Variants in FOCAD observed in about 807,000 individuals in gnomAD.
FOCAD encodes the protein KIAA1797.
Under a neutral mutation model 225.6 loss-of-function variants are expected in FOCAD, and 198 were observed. The observed-to-expected ratio is 0.88, with a 90% confidence interval of 0.78 to 0.99. The LOEUF (loss-of-function observed/expected upper bound fraction) is 0.99, where lower values mean the gene tolerates loss of function less well. Ranked by LOEUF, FOCAD falls within the 50% of genes least tolerant of loss-of-function variation. The probability of loss-of-function intolerance (pLI) is 0.00; values close to 1 mark genes in which losing one functional copy is unlikely to be tolerated. For missense variants in FOCAD, 2,713 were observed against 2,123.6 expected, an observed-to-expected ratio of 1.28 and a Z score of -5.46; for synonymous variants, 897 against 755.0, an observed-to-expected ratio of 1.19 and a Z score of -3.08.
intron 15 of FOCAD, among the ~76,000 whole-genome samples, chr9:20,856,843 A>G (rs1300183299): frequency 6.6e-6 from 1 of 151,956 alleles, no homozygotes; most frequent in African/African-American, 2.4e-5. Context: ...TTTATTGAAG[A>G]CTGTCCTTTC....
chr9:20,841,119 G>T (rs989348367), intron 15 of FOCAD, among the ~76,000 whole-genome samples: 4 of 151,880 alleles, frequency 2.6e-5, no homozygotes, highest in African/African-American at 7.2e-5. Context: ...AATTTGGTTT[G>T]CTATTATTTT....
chr9:20,804,356 C>T (rs1342896224), intron 11 of FOCAD, among the ~76,000 whole-genome samples: 2 of 151,910 alleles, frequency 1.3e-5, no homozygotes, highest in Admixed American at 1.3e-4. Context: ...TTTTTGGTGC[C>T]TGTTTTAAAG....
chr9:20,706,752 G>A (rs1824420923), intron 1 of FOCAD, among the ~76,000 whole-genome samples: 1 of 152,170 alleles, frequency 6.6e-6, no homozygotes, highest in Non-Finnish European at 1.5e-5. Flanking sequence ...TTGCAACAAG[G>A]AGACCCCAAA....
intron 4 of FOCAD, among the ~76,000 whole-genome samples, chr9:20,729,449 T>G (rs1826486969): frequency 6.6e-6 from 1 of 152,186 alleles, no homozygotes; most frequent in African/African-American, 2.4e-5. Context: ...CCTAGGATGA[T>G]CTCATCCCAA....
intron 1 of FOCAD, among the ~76,000 whole-genome samples, chr9:20,689,669 G>A (rs534585843): frequency 2.0e-5 from 3 of 152,224 alleles, no homozygotes; most frequent in South Asian, 2.1e-4. Flanking sequence ...GTGAGAGAGC[G>A]AGTAAAGATT....
chr9:20,696,643 GA>G (rs1240313377), intron 1 of FOCAD, among the ~76,000 whole-genome samples: 1 of 151,954 alleles, frequency 6.6e-6, no homozygotes, highest in African/African-American at 2.4e-5. Flanking sequence ...CTCTCTACTA[GA>G]AAATACAAAA....
In FOCAD at chr9:20,850,460, T is replaced by C. The variant is rs907609048; in HGVS notation, c.1921-12118T>C. On this transcript the variant is annotated intron_variant, in intron 15 of 43. Transcript: ENST00000338382. ...GAAATGGATGATGGTAGATATAAAT[T>C]GCTATGGCATTTTATCTAATTGTAT... is the stretch of plus-strand genomic sequence containing the variant. Among the ~76,000 whole-genome samples, 3 of 151,872 alleles carry C rather than the reference T, an allele frequency of 2.0e-5. No individual in the cohort carries two copies. The East Asian group carries it at 5.8e-4, about 29-fold the overall frequency.
intron 5 of FOCAD, among the ~76,000 whole-genome samples, chr9:20,756,448 G>T (rs1829060869): frequency 6.6e-6 from 1 of 152,150 alleles, no homozygotes; most frequent in Admixed American, 6.5e-5. Flanking sequence ...CAACACCCGT[G>T]CAGTAGTTTT....
At chr9:20,749,415 AATT>A (rs1327097200) in intron 5 of FOCAD, among the ~76,000 whole-genome samples, 6 of 152,060 alleles carry the variant, frequency 3.9e-5, no homozygotes, top group African/African-American at 1.4e-4. Context: ...AGAAATTCAC[AATT>A]ATTGTTTAGT....
chr9:20,982,203 A>C (rs1840758946), intron 38 of FOCAD, among the ~76,000 whole-genome samples, 154 bp from the exon 39 acceptor site: 1 of 152,248 alleles, frequency 6.6e-6, no homozygotes, highest in South Asian at 2.1e-4. Context: ...ATGTCTTCAA[A>C]ATGATAAAAA....
intron 18 of FOCAD, among the ~76,000 whole-genome samples, chr9:20,870,156 C>T (rs1829635851): frequency 6.6e-6 from 1 of 152,104 alleles, no homozygotes; most frequent in African/African-American, 2.4e-5. Flanking sequence ...AAAAATTAAA[C>T]TTGTTTTCTT....
At chr9:20,956,492 C>G (rs1232624193) in intron 35 of FOCAD, among the ~76,000 whole-genome samples, 2 of 152,032 alleles carry the variant, frequency 1.3e-5, no homozygotes, top group African/African-American at 2.4e-5. Context: ...ATAATGTCCT[C>G]CTATATGTAT....
intron 21 of FOCAD, among the ~76,000 whole-genome samples, chr9:20,906,706 TG>T (rs1386973705): frequency 6.6e-6 from 1 of 152,074 alleles, no homozygotes. Flanking sequence ...ATATTTCTGT[TG>T]GCAATATAAA....
chr9:20,894,590 G>T (rs981163845), intron 21 of FOCAD, among the ~76,000 whole-genome samples: 5 of 151,996 alleles, frequency 3.3e-5, no homozygotes, highest in African/African-American at 7.2e-5. Flanking sequence ...ATTTTAATTC[G>T]CATATCCCTG....
chr9:20,986,268 T>TTTTTTTTATTTTTA lies in FOCAD; in HGVS notation c.4729-13_4729-12insATTTTTATTTTTTT, dbSNP rs1841151297. 1.0e-6 allele frequency: 1 copy of TTTTTTTTATTTTTA among 993,768 alleles called. No individual in the cohort carries two copies. Among genetic ancestry groups the TTTTTTTTATTTTTA allele is most frequent in the African/African-American group, 1.8e-5 (1 of 54,816 alleles). The allele number at this position is 993,768 out of a possible 1,614,324, so 61.6% of individuals were successfully genotyped here. ...GTTAATTTAATAGTAACTAAACAATTTTTTTTTTTTTTTTTGCAGAGCAAC... is the reference window on the plus strand; with the variant it reads ...GTTAATTTAATAGTAACTAAACAATTTTTTTTTATTTTTATTTTTTTTTTTTTTTGCAGAGCAAC... On this transcript the variant is annotated intron_variant, in intron 39 of 43. Transcript: ENST00000338382.
At chr9:20,807,073 T>A (rs529010428) in intron 11 of FOCAD, among the ~76,000 whole-genome samples, 13 of 152,364 alleles carry the variant, frequency 8.5e-5, no homozygotes, top group African/African-American at 2.6e-4. Flanking sequence ...ATTAAATTCA[T>A]CATGTGGATT....
chr9:20,724,956 G>C (rs1461970925), intron 4 of FOCAD, among the ~76,000 whole-genome samples: 1 of 152,118 alleles, frequency 6.6e-6, no homozygotes, highest in Non-Finnish European at 1.5e-5. Flanking sequence ...ATCGCTTGAG[G>C]TCAGGAGTTG....
upstream of FOCAD, among the ~76,000 whole-genome samples, chr9:20,680,299 C>G (rs996753641): frequency 7.2e-5 from 11 of 152,202 alleles, no homozygotes; most frequent in African/African-American, 2.7e-4. Context: ...ATGGCTCATG[C>G]CTGTAATCCC....
intron 24 of FOCAD, among the ~76,000 whole-genome samples, chr9:20,920,435 C>T (rs1355399646): frequency 8.1e-6 from 1 of 123,046 alleles, no homozygotes; most frequent in African/African-American, 3.2e-5. Context: ...ACTAGAAATA[C>T]CATTTGACCC....
Sources: allele counts gnomAD v4.1 joint callset (sites outside exome capture counted in the v4.1 genomes callset), GRCh38; gene constraint gnomAD v4.1.1; transcripts MANE v1.5; gene names NCBI Gene and HGNC (gene_info 2026-07-23, HGNC 2026-07-21).